Variants in OSBPL9 observed in about 807,000 individuals in gnomAD.
The protein encoded by OSBPL9 is oxysterol binding protein like 9.
A neutral mutation model predicts 106.6 loss-of-function variants in OSBPL9; 40 were observed. The observed-to-expected ratio is 0.38, with a 90% confidence interval of 0.29 to 0.49. The LOEUF is 0.49. Ranked by LOEUF, OSBPL9 falls within the 20% of genes least tolerant of loss-of-function variation. The pLI is 0.97. For synonymous variants in OSBPL9, 269 were observed against 295.4 expected, an observed-to-expected ratio of 0.91 and a Z score of 0.92; for missense variants, 609 against 887.2, an observed-to-expected ratio of 0.69 and a Z score of 3.98.
At chr1:51,519,105 G>T in the OSBPL9 span, 1 of 858,504 alleles carries the variant, frequency 1.2e-6, no homozygotes, top group African/African-American at 1.8e-5. Context: ...GAAGCTGCCT[G>T]CTTGGCCCAC....
intron 2 of OSBPL9, among the ~76,000 whole-genome samples, chr1:51,659,533 A>G (rs991743355): frequency 6.6e-6 from 1 of 152,060 alleles, no homozygotes; most frequent in Non-Finnish European, 1.5e-5. Context: ...AAAGAAGAAA[A>G]TAACAAAAAG....
chr1:51,530,170 C>CAA, the OSBPL9 span, among the ~76,000 whole-genome samples: 176 of 10,648 alleles, frequency 0.017, 17 homozygotes, highest in African/African-American at 0.033. Flanking sequence ...GACTCTGTCT[C>CAA]AAAAAAAAAA....
At chr1:51,623,610 A>C (rs576412750) in intron 1 of OSBPL9, among the ~76,000 whole-genome samples, 1 of 152,358 alleles carries the variant, frequency 6.6e-6, no homozygotes, top group African/African-American at 2.4e-5. Flanking sequence ...GCTGTTACAC[A>C]CTGTCTGGAA....
chr1:51,580,357 C>T (rs1036793343), intron 1 of OSBPL9, among the ~76,000 whole-genome samples: 4 of 152,086 alleles, frequency 2.6e-5, no homozygotes, highest in African/African-American at 9.7e-5. Flanking sequence ...AGTAGGTGCT[C>T]AATAAATGTT....
At chr1:51,678,435 C>G (rs190926180) in intron 3 of OSBPL9, among the ~76,000 whole-genome samples, 1 of 151,950 alleles carries the variant, frequency 6.6e-6, no homozygotes, top group Non-Finnish European at 1.5e-5. Flanking sequence ...CCAAGGCGGG[C>G]GGATCATCTG....
chr1:51,563,707 G>A, the OSBPL9 span: 2 of 152,168 alleles, frequency 1.3e-5, no homozygotes, highest in African/African-American at 4.8e-5. Flanking sequence ...CTTGGCTTCT[G>A]GATCCAGGAT....
chr1:51,572,421 G>A (rs1321110268), upstream of OSBPL9, among the ~76,000 whole-genome samples: 10 of 152,176 alleles, frequency 6.6e-5, no homozygotes, highest in South Asian at 4.2e-4. Flanking sequence ...AAGAATTGCC[G>A]AAATTATGCA....
At chr1:51,591,891 C>T (rs188862819) in intron 1 of OSBPL9, among the ~76,000 whole-genome samples, 6 of 152,170 alleles carry the variant, frequency 3.9e-5, no homozygotes, top group African/African-American at 1.4e-4. Context: ...CCTAAACCTT[C>T]CCAGTTCTGA....
intron 3 of OSBPL9, among the ~76,000 whole-genome samples, chr1:51,680,332 T>A (rs979783940): frequency 6.6e-6 from 1 of 152,128 alleles, no homozygotes. Context: ...TCATGATCCT[T>A]TCCCCATGAC....
At chr1:51,749,995 A>G (rs1668903697) in intron 7 of OSBPL9, 150 bp from the exon 8 acceptor site, 1 of 442,498 alleles carries the variant, frequency 2.3e-6, no homozygotes, top group Non-Finnish European at 4.0e-6. Flanking sequence ...TTATCAGCAT[A>G]CTAGAACCCA....
intron 3 of OSBPL9, among the ~76,000 whole-genome samples, chr1:51,692,252 G>A (rs1238508784): frequency 6.6e-6 from 1 of 152,188 alleles, no homozygotes. Flanking sequence ...CAGGGCTGCT[G>A]CAGTGAGCTC....
chr1:51,739,484 G>A (rs1432766130), intron 4 of OSBPL9, among the ~76,000 whole-genome samples: 1 of 151,756 alleles, frequency 6.6e-6, no homozygotes, highest in Non-Finnish European at 1.5e-5. Context: ...CCTAGCAGTT[G>A]GTAAGGTAAC....
intron 2 of OSBPL9, among the ~76,000 whole-genome samples, chr1:51,663,636 A>G (rs1647673088): frequency 6.6e-6 from 1 of 152,212 alleles, no homozygotes; most frequent in Non-Finnish European, 1.5e-5. Flanking sequence ...TATAAAATGT[A>G]AAGTCAATAC....
chr1:51,665,221 G>A (rs1048521698), intron 2 of OSBPL9, among the ~76,000 whole-genome samples: 6 of 152,048 alleles, frequency 3.9e-5, no homozygotes, highest in African/African-American at 1.2e-4. Context: ...CTTGGTTCAC[G>A]GCAACCTCCA....
intron 1 of OSBPL9, among the ~76,000 whole-genome samples, chr1:51,589,170 C>G (rs1396220250): frequency 6.6e-6 from 1 of 152,006 alleles, no homozygotes; most frequent in African/African-American, 2.4e-5. Context: ...CTCACTGCAG[C>G]CTTGAACTCC....
At position 51,776,737 on chromosome 1, in the gene OSBPL9, G is replaced by A. The variant is rs1675162091; in HGVS notation, c.1171-96G>A. 31 of 778,646 alleles carry A rather than the reference G, an allele frequency of 4.0e-5. No individual in the cohort carries two copies. In the East Asian group the frequency reaches 7.8e-4, roughly 20 times the overall value. The allele number at this position is 778,646 out of a possible 1,614,324, so 48.2% of individuals were successfully genotyped here. ...TGGTGGATGTTACCATGATTTGAAT[G>A]AGGTGGTGTTTTGTTTTGTTTTCTT... is the stretch of plus-strand genomic sequence containing the variant. On this transcript the variant is annotated intron_variant, in intron 14 of 23. Transcript: ENST00000428468.
chr1:51,666,401 G>A (rs1272049145), intron 2 of OSBPL9, among the ~76,000 whole-genome samples: 2 of 152,116 alleles, frequency 1.3e-5, no homozygotes, highest in Non-Finnish European at 1.5e-5. Flanking sequence ...CTTAAAAAGT[G>A]AAATTGCTTG....
chr1:51,608,196 ATCT>A (rs1643961801), intron 2 of OSBPL9, among the ~76,000 whole-genome samples: 1 of 152,168 alleles, frequency 6.6e-6, no homozygotes, highest in African/African-American at 2.4e-5. Context: ...AACTCCTGAG[ATCT>A]TCTCAGGAAG....
At chr1:51,546,542 A>G in the OSBPL9 span, among the ~76,000 whole-genome samples, 1 of 151,992 alleles carries the variant, frequency 6.6e-6, no homozygotes, top group Non-Finnish European at 1.5e-5. Flanking sequence ...CTAAAAATAC[A>G]AAAAATTAGC....
Sources: allele counts gnomAD v4.1 joint callset (sites outside exome capture counted in the v4.1 genomes callset), GRCh38; gene constraint gnomAD v4.1.1; transcripts MANE v1.5; gene names NCBI Gene and HGNC (gene_info 2026-07-23, HGNC 2026-07-21).